Variants in AGTPBP1 observed in about 807,000 individuals in gnomAD.
AGTPBP1 encodes cytosolic carboxypeptidase 1.
Under a neutral mutation model 143.9 loss-of-function variants are expected in AGTPBP1, and 70 were observed. That is an observed-to-expected ratio of 0.49 (90% CI 0.40 to 0.59). AGTPBP1 has a LOEUF of 0.59. Ranked by LOEUF, AGTPBP1 falls within the 20% of genes least tolerant of loss-of-function variation. The pLI is 0.00. For missense variants in AGTPBP1, 1,229 were observed against 1,464.5 expected (o/e 0.84, Z 2.62); for synonymous variants, 463 against 500.2 (o/e 0.93, Z 0.99).
intron 3 of AGTPBP1, 119 bp downstream of exon 3, chr9:85,692,570 G>T: frequency 7.8e-7 from 1 of 1,282,418 alleles, no homozygotes; most frequent in Non-Finnish European, 1.1e-6. Flanking sequence ...CACCACACCC[G>T]GCCTGAAAGT....
chr9:85,768,423 C>T, the AGTPBP1 span, among the ~76,000 whole-genome samples: 1 of 152,110 alleles, frequency 6.6e-6, no homozygotes, highest in Non-Finnish European at 1.5e-5. Flanking sequence ...CCTCAAATTA[C>T]ATTGTTTTCC....
intron 1 of AGTPBP1, among the ~76,000 whole-genome samples, chr9:85,729,847 G>GT (rs1489834226): frequency 1.3e-5 from 2 of 152,184 alleles, no homozygotes; most frequent in Non-Finnish European, 2.9e-5. Context: ...CCTCACACCT[G>GT]TTAGGATGGC....
At chr9:85,733,163 A>G (rs1045187153) in intron 1 of AGTPBP1, among the ~76,000 whole-genome samples, 3 of 152,218 alleles carry the variant, frequency 2.0e-5, no homozygotes, top group African/African-American at 7.2e-5. Context: ...AAGGTACTCA[A>G]CAACAGAATA....
chr9:85,577,990 C>T (rs1204954590), intron 24 of AGTPBP1, among the ~76,000 whole-genome samples: 2 of 152,096 alleles, frequency 1.3e-5, no homozygotes, highest in African/African-American at 4.8e-5. Context: ...TTCTCAGATT[C>T]AAGATCCTCT....
In AGTPBP1 at chr9:85,573,157, G is replaced by A. The variant is rs374282542; in HGVS notation, c.3503+2158C>T. 2.7e-4 allele frequency among the ~76,000 whole-genome samples: 41 copies of A among 150,284 alleles called. No homozygotes were observed. The East Asian group carries it at 8.1e-3, about 30-fold the overall frequency. ...CACAGTCTCCCTCTGATGCCGAGCCGAAGCTGGACTGTACTGCTGCCATCT... is the reference window on the plus strand; with the variant it reads ...CACAGTCTCCCTCTGATGCCGAGCCAAAGCTGGACTGTACTGCTGCCATCT... On this transcript the variant is annotated intron_variant, in intron 25 of 25. Transcript: ENST00000357081.
intron 11 of AGTPBP1, among the ~76,000 whole-genome samples, chr9:85,651,007 T>A (rs1180999081): frequency 6.6e-6 from 1 of 152,216 alleles, no homozygotes; most frequent in African/African-American, 2.4e-5. Context: ...AAGCTTTCTA[T>A]CCTGCTGTCT....
intron 25 of AGTPBP1, among the ~76,000 whole-genome samples, chr9:85,561,111 C>T (rs1424170427): frequency 6.6e-6 from 1 of 152,026 alleles, no homozygotes; most frequent in Non-Finnish European, 1.5e-5. Flanking sequence ...GTGACTCACG[C>T]CCAGCACTTT....
intron 23 of AGTPBP1, among the ~76,000 whole-genome samples, chr9:85,583,708 G>A (rs928634293): frequency 1.3e-5 from 2 of 152,046 alleles, no homozygotes; most frequent in Non-Finnish European, 2.9e-5. Context: ...CCACATGTCT[G>A]TCTGCCATTC....
chr9:85,690,542 C>A, intron 3 of AGTPBP1, among the ~76,000 whole-genome samples: 1 of 127,948 alleles, frequency 7.8e-6, no homozygotes, highest in Non-Finnish European at 1.7e-5. Context: ...GTCAGGAGTA[C>A]TTTCAGTGGT....
upstream of AGTPBP1, among the ~76,000 whole-genome samples, chr9:85,746,444 A>G (rs62567060): frequency 0.015 from 2,241 of 152,302 alleles, 24 homozygotes; most frequent in Middle Eastern, 0.037. Context: ...CAACATAGTG[A>G]GACCCCCCAC....
At chr9:85,739,923 A>C (rs1314468436) in intron 1 of AGTPBP1, among the ~76,000 whole-genome samples, 2 of 151,840 alleles carry the variant, frequency 1.3e-5, no homozygotes, top group Non-Finnish European at 2.9e-5. Context: ...GAATCGCTTG[A>C]ACCCGGTAGG....
At position 85,639,364 on chromosome 9, in the gene AGTPBP1, C is replaced by T. The variant is rs1031258404; in HGVS notation, c.1302+3463G>A. Among the ~76,000 whole-genome samples, 13 of 122,740 alleles carry T rather than the reference C, an allele frequency of 1.1e-4. No homozygotes were observed. In the South Asian group the frequency reaches 1.4e-3, roughly 13 times the overall value. The allele number at this position is 122,740 out of a possible 152,430, so 80.5% of individuals were successfully genotyped here. ...ACATACACACACCCATGCGCGCGCACGCGCACACACACACACACACACACA... is the reference window on the plus strand; with the variant it reads ...ACATACACACACCCATGCGCGCGCATGCGCACACACACACACACACACACA... On this transcript the variant is annotated intron_variant, in intron 13 of 25. Transcript: ENST00000357081.
chr9:85,573,302 C>T (rs960100988), intron 25 of AGTPBP1, among the ~76,000 whole-genome samples: 1 of 152,328 alleles, frequency 6.6e-6, no homozygotes, highest in South Asian at 2.1e-4. Context: ...GACGGGGTTT[C>T]GCTGTGTTGG....
intron 1 of AGTPBP1, among the ~76,000 whole-genome samples, chr9:85,731,905 A>G (rs1838907098): frequency 6.6e-6 from 1 of 152,152 alleles, no homozygotes; most frequent in Non-Finnish European, 1.5e-5. Context: ...AAACCAAACA[A>G]ATCTGTAAGG....
chr9:85,671,433 T>C (rs1465205486), intron 7 of AGTPBP1, among the ~76,000 whole-genome samples: 14 of 152,198 alleles, frequency 9.2e-5, no homozygotes, highest in Non-Finnish European at 1.5e-4. Context: ...AATTACATGT[T>C]AGTTATTTAA....
chr9:85,704,453 C>T (rs536375912), intron 2 of AGTPBP1, among the ~76,000 whole-genome samples: 1 of 152,208 alleles, frequency 6.6e-6, no homozygotes, highest in East Asian at 1.9e-4. Context: ...TGTCTGATCC[C>T]ACCAATCAAA....
the AGTPBP1 span, among the ~76,000 whole-genome samples, chr9:85,758,435 A>G: frequency 6.6e-6 from 1 of 152,186 alleles, no homozygotes; most frequent in East Asian, 1.9e-4. Context: ...ACGGGAGGTC[A>G]GGCGTTCGAA....
intron 6 of AGTPBP1, among the ~76,000 whole-genome samples, chr9:85,676,192 G>A (rs1427548571): frequency 2.0e-5 from 3 of 152,044 alleles, no homozygotes; most frequent in African/African-American, 7.2e-5. Flanking sequence ...AGCAGAAACT[G>A]ACAAATGAGA....
chr9:85,771,722 G>A, the AGTPBP1 span, among the ~76,000 whole-genome samples: 4 of 149,982 alleles, frequency 2.7e-5, no homozygotes, highest in African/African-American at 7.4e-5. Context: ...GCGTGATCTC[G>A]GCTCAGTGCA....
Sources: allele counts gnomAD v4.1 joint callset (sites outside exome capture counted in the v4.1 genomes callset), GRCh38; gene constraint gnomAD v4.1.1; transcripts MANE v1.5; gene names NCBI Gene and HGNC (gene_info 2026-07-23, HGNC 2026-07-21).